The following NRXN3 variants were observed in gnomAD, a reference collection of about 807,000 sequenced individuals.
NRXN3 encodes neurexin III.
In NRXN3, 32 loss-of-function variants were observed where a neutral mutation model predicts 137.6. The ratio of observed to expected loss-of-function variants is 0.23; its 90% CI spans 0.18 to 0.31. The LOEUF (loss-of-function observed/expected upper bound fraction) is 0.31. NRXN3 is among the 10% of genes least tolerant of loss of function. The pLI, the probability that NRXN3 is intolerant of heterozygous loss-of-function variation, is 1.00. For synonymous variants in NRXN3, 798 were observed against 784.5 expected, an observed-to-expected ratio of 1.02 and a Z score of -0.29; for missense variants, 1,574 against 2,062.5, an observed-to-expected ratio of 0.76 and a Z score of 4.59.
intron 10 of NRXN3, among the ~76,000 whole-genome samples, chr14:78,832,502 A>G (rs527815109): frequency 6.6e-6 from 1 of 152,260 alleles, no homozygotes; most frequent in South Asian, 2.1e-4. Context: ...AGTGTAGCTT[A>G]GTTCTCTTGC....
chr14:79,232,205 C>G (rs1385464731), intron 15 of NRXN3, among the ~76,000 whole-genome samples: 1 of 152,028 alleles, frequency 6.6e-6, no homozygotes, highest in Non-Finnish European at 1.5e-5. Context: ...CAGTTTTCAT[C>G]CCATGGCATC....
intron 4 of NRXN3, among the ~76,000 whole-genome samples, chr14:78,485,035 T>C (rs2095539725): frequency 1.3e-5 from 2 of 152,290 alleles, no homozygotes; most frequent in Admixed American, 1.3e-4. Flanking sequence ...TGCCTCATCC[T>C]TGGTCCTGTC....
At chr14:79,375,320 A>G (rs1378222088) in intron 15 of NRXN3, among the ~76,000 whole-genome samples, 2 of 138,902 alleles carry the variant, frequency 1.4e-5, no homozygotes, top group East Asian at 4.2e-4. Flanking sequence ...CTTTTTTCAT[A>G]GAACAAAATT....
intron 4 of NRXN3, among the ~76,000 whole-genome samples, chr14:78,542,877 G>A (rs1351456658): frequency 6.6e-6 from 1 of 152,168 alleles, no homozygotes; most frequent in Non-Finnish European, 1.5e-5. Flanking sequence ...ACCTGTTGGA[G>A]TGCTTGAGTT....
chr14:78,620,166 G>T (rs1229512030), intron 4 of NRXN3, among the ~76,000 whole-genome samples: 1 of 152,146 alleles, frequency 6.6e-6, no homozygotes, highest in Non-Finnish European at 1.5e-5. Flanking sequence ...CAATTAGTGG[G>T]TTGGTATACT....
chr14:78,235,000 A>AAATATATATATATATATATGTG (rs2066011338), intron 1 of NRXN3, among the ~76,000 whole-genome samples: 1 of 38,656 alleles, frequency 2.6e-5, no homozygotes, highest in African/African-American at 1.1e-4. Flanking sequence ...GCTTTTATAT[A>AAATATATATATATATATATGTG]TATATATATA....
At chr14:78,390,899 A>T (rs1266548029) in intron 4 of NRXN3, among the ~76,000 whole-genome samples, 6 of 152,156 alleles carry the variant, frequency 3.9e-5, no homozygotes, top group African/African-American at 1.4e-4. Flanking sequence ...TATTAAGCCC[A>T]GCATGCATTA....
At chr14:79,818,059 T>G (rs1260498500) in intron 20 of NRXN3, among the ~76,000 whole-genome samples, 3 of 141,102 alleles carry the variant, frequency 2.1e-5, no homozygotes, top group African/African-American at 7.9e-5. Context: ...TTTTTTTTTT[T>G]TTTTTTTTTT....
intron 4 of NRXN3, among the ~76,000 whole-genome samples, chr14:78,357,492 G>A (rs1311862894): frequency 6.6e-6 from 1 of 152,142 alleles, no homozygotes; most frequent in Non-Finnish European, 1.5e-5. Flanking sequence ...GGAGGTCATG[G>A]TCCCTTTTCT....
At chr14:79,321,133 G>A (rs1158262658) in intron 15 of NRXN3, among the ~76,000 whole-genome samples, 1 of 152,090 alleles carries the variant, frequency 6.6e-6, no homozygotes, top group East Asian at 1.9e-4. Flanking sequence ...GAACTTTGTA[G>A]TTCCCTGAAT....
intron 1 of NRXN3, among the ~76,000 whole-genome samples, chr14:78,204,659 G>T (rs571429013): frequency 4.6e-5 from 7 of 151,972 alleles, no homozygotes; most frequent in Admixed American, 4.6e-4. Flanking sequence ...AATAATATGT[G>T]CATAGAAAAA....
intron 16 of NRXN3, among the ~76,000 whole-genome samples, chr14:79,594,008 G>A (rs2552416): frequency 0.5 from 75,044 of 151,568 alleles, 21,017 homozygotes; most frequent in African/African-American, 0.77. Flanking sequence ...TCCTTTTTTT[G>A]AAAAAAAGCT....
chr14:78,988,585 T>A (rs2099512009), intron 15 of NRXN3, among the ~76,000 whole-genome samples: 2 of 152,212 alleles, frequency 1.3e-5, no homozygotes, highest in African/African-American at 4.8e-5. Flanking sequence ...TCAAAAAGTT[T>A]GAGTTCTCTG....
chr14:78,748,629 T>G (rs2098625337), intron 8 of NRXN3, among the ~76,000 whole-genome samples: 1 of 152,104 alleles, frequency 6.6e-6, no homozygotes, highest in Non-Finnish European at 1.5e-5. Flanking sequence ...CAACCTAGAC[T>G]CAGTGGTAAC....
At chr14:78,769,096 AT>A (rs1438973507) in intron 8 of NRXN3, among the ~76,000 whole-genome samples, 3 of 152,162 alleles carry the variant, frequency 2.0e-5, no homozygotes, top group Admixed American at 2.0e-4. Flanking sequence ...TCTAGGGTCC[AT>A]TAAGAGTTAC....
chr14:78,997,696 A>G (rs2099532847), intron 15 of NRXN3, among the ~76,000 whole-genome samples: 1 of 152,232 alleles, frequency 6.6e-6, no homozygotes, highest in African/African-American at 2.4e-5. Context: ...CAAAATGCAT[A>G]GATCTTACAT....
At chr14:79,526,698 ACT>A (rs558532602) in intron 16 of NRXN3, among the ~76,000 whole-genome samples, 2 of 152,222 alleles carry the variant, frequency 1.3e-5, no homozygotes, top group South Asian at 2.1e-4. Context: ...TAGAGTTTAG[ACT>A]CTAATGAGGG....
At chr14:78,938,918 C>T (rs1193608659) in intron 10 of NRXN3, among the ~76,000 whole-genome samples, 1 of 149,128 alleles carries the variant, frequency 6.7e-6, no homozygotes, top group East Asian at 2.0e-4. Flanking sequence ...AATCTCGGCT[C>T]ACTGCAGGCT....
At chr14:79,449,647 G>C (rs1457260774) in intron 15 of NRXN3, among the ~76,000 whole-genome samples, 1 of 152,132 alleles carries the variant, frequency 6.6e-6, no homozygotes, top group African/African-American at 2.4e-5. Context: ...TCATTTTGTA[G>C]CCAATAAAGC....
Sources: gnomAD v4.1 joint callset for allele counts (sites outside exome capture counted in the v4.1 genomes callset) on GRCh38, gnomAD v4.1.1 for gene constraint, MANE v1.5 for transcripts, NCBI Gene and HGNC (gene_info 2026-07-23, HGNC 2026-07-21) for gene names.